The following RPRD2 variants were observed in gnomAD, a reference collection of about 807,000 sequenced individuals.
The protein encoded by RPRD2 is regulation of nuclear pre-mRNA domain containing 2, also known as regulation of nuclear pre-mRNA domain-containing protein 2.
A neutral mutation model predicts 104.4 loss-of-function variants in RPRD2; 12 were observed. The observed-to-expected ratio is 0.11, with a 90% confidence interval of 0.07 to 0.19. The LOEUF (loss-of-function observed/expected upper bound fraction) is 0.19. Among genes scored for constraint, RPRD2 ranks in the 10% least tolerant of loss-of-function variants. RPRD2 has a pLI of 1.00. For missense variants in RPRD2, 1,543 were observed against 1,790.1 expected, an observed-to-expected ratio of 0.86 and a Z score of 2.49; for synonymous variants, 714 against 684.9, an observed-to-expected ratio of 1.04 and a Z score of -0.66.
chr1:150,450,059 A>T (rs587666614), intron 7 of RPRD2, among the ~76,000 whole-genome samples: 1 of 152,166 alleles, frequency 6.6e-6, no homozygotes, highest in South Asian at 2.1e-4. Flanking sequence ...AACCAAACCC[A>T]TCTGTTCTTA....
At chr1:150,402,358 A>G (rs1241849730) in intron 1 of RPRD2, among the ~76,000 whole-genome samples, 1 of 152,230 alleles carries the variant, frequency 6.6e-6, no homozygotes, top group Non-Finnish European at 1.5e-5. Context: ...AAAAATATTC[A>G]TGTCAGCTTT....
chr1:150,411,337 C>G (rs782465916), intron 1 of RPRD2, among the ~76,000 whole-genome samples: 3 of 149,116 alleles, frequency 2.0e-5, no homozygotes, highest in Admixed American at 6.7e-5. Flanking sequence ...GATGCGCACC[C>G]GTAGTCCCAG....
intron 1 of RPRD2, among the ~76,000 whole-genome samples, chr1:150,367,468 T>C (rs1168125421): frequency 2.0e-5 from 3 of 151,996 alleles, no homozygotes; most frequent in Non-Finnish European, 4.4e-5. Flanking sequence ...GCAGGTATCT[T>C]TGGCATTCCC....
In RPRD2 at chr1:150,464,655, G is replaced by A; in HGVS notation, c.1540G>A (p.Val514Met). 1 of 1,612,944 alleles carries A rather than the reference G, an allele frequency of 6.2e-7. No individual in the cohort carries two copies. The highest frequency in any genetic ancestry group is 8.5e-7 in the Non-Finnish European group (1 of 1,179,502). The change falls in exon 10 of 11, where the codon GTG (valine) becomes ATG (methionine). Residue 514 changes from valine (V) to methionine (M), a missense_variant. Physicochemically the swap from Val to Met is conservative, Grantham distance 21. Coordinates refer to ENST00000369068, the MANE Select transcript of RPRD2 (RefSeq NM_015203.5). ...CCCTCTGGCAAATATCCTCTCCAAGGTGGAGATCACCCCAGAGAGCATTCT... is the reference window on the plus strand; with the variant it reads ...CCCTCTGGCAAATATCCTCTCCAAGATGGAGATCACCCCAGAGAGCATTCT... ...HNPLANILSK[V>M]EITPESILSA... is the part of the protein sequence containing the mutation.
At chr1:150,405,317 T>A (rs1364631329) in intron 1 of RPRD2, among the ~76,000 whole-genome samples, 1 of 152,228 alleles carries the variant, frequency 6.6e-6, no homozygotes, top group Admixed American at 6.5e-5. Context: ...ATTGAAGTTA[T>A]TTTACTCAGG....
intron 1 of RPRD2, among the ~76,000 whole-genome samples, chr1:150,404,120 C>CAGCT (rs1430027480): frequency 3.5e-4 from 54 of 152,308 alleles, no homozygotes; most frequent in Admixed American, 3.3e-3. Flanking sequence ...ACCTAAGACC[C>CAGCT]AGCTGATTTA....
At chr1:150,420,706 A>G (rs1664702726) in intron 2 of RPRD2, among the ~76,000 whole-genome samples, 1 of 152,124 alleles carries the variant, frequency 6.6e-6, no homozygotes, top group Non-Finnish European at 1.5e-5. Flanking sequence ...CACACCTGTA[A>G]TCCCAGCTAC....
chr1:150,381,033 C>T (rs1369562448), intron 1 of RPRD2, among the ~76,000 whole-genome samples: 1 of 152,162 alleles, frequency 6.6e-6, no homozygotes, highest in Non-Finnish European at 1.5e-5. Context: ...CATGGCCCCC[C>T]TCACCCCCAA....
intron 1 of RPRD2, among the ~76,000 whole-genome samples, chr1:150,368,837 A>T (rs1553877672): frequency 6.6e-6 from 1 of 151,866 alleles, no homozygotes; most frequent in Non-Finnish European, 1.5e-5. Context: ...TGAACTCCTG[A>T]TCTCAGGCGA....
At chr1:150,433,680 G>A (rs1047497540) in intron 2 of RPRD2, among the ~76,000 whole-genome samples, 66 of 146,910 alleles carry the variant, frequency 4.5e-4, no homozygotes, top group Admixed American at 3.2e-3. Flanking sequence ...TGCAGACCTC[G>A]TGATCCGCCC....
chr1:150,428,189 C>T (rs587734412), intron 2 of RPRD2, among the ~76,000 whole-genome samples: 1 of 151,996 alleles, frequency 6.6e-6, no homozygotes, highest in African/African-American at 2.4e-5. Flanking sequence ...CCTCGCCGGG[C>T]GTGGTGGCTC....
intron 1 of RPRD2, among the ~76,000 whole-genome samples, chr1:150,413,976 C>G (rs1209809316): frequency 6.6e-6 from 1 of 151,874 alleles, no homozygotes; most frequent in Admixed American, 6.6e-5. Context: ...GACTGTAGTC[C>G]CAGCTATTTG....
Position 150,417,497 on chromosome 1 carries a change from AAT to A in RPRD2, c.206-97_206-96del, listed in dbSNP as rs1267317251. 6 of 995,308 alleles carry A rather than the reference AAT, an allele frequency of 6.0e-6. No homozygotes were observed. In the African/African-American group the frequency reaches 6.6e-5, roughly 11 times the overall value. 61.7% of individuals were successfully genotyped at this position (995,308 alleles called of 1,614,324 possible). ...TTTTATATCCATGTAAGAAAAAAAA[AAT>A]AACCAGTTACAGTTTGAGAACACTG... is the stretch of plus-strand genomic sequence containing the variant. On this transcript the variant is annotated intron_variant, in intron 1 of 10. Transcript: ENST00000369068.
chr1:150,422,769 A>G (rs1664857319), intron 2 of RPRD2, among the ~76,000 whole-genome samples: 1 of 152,216 alleles, frequency 6.6e-6, no homozygotes, highest in Non-Finnish European at 1.5e-5. Flanking sequence ...ACCATGGGCA[A>G]CTTATTAGGG....
At position 150,472,150 on chromosome 1, in the gene RPRD2, T is replaced by C. The variant is rs753013179; in HGVS notation, c.3202T>C (p.Ser1068Pro). 2 of 1,613,806 alleles carry C rather than the reference T, an allele frequency of 1.2e-6. No homozygotes were observed. The highest frequency in any genetic ancestry group is 8.5e-7 in the Non-Finnish European group (1 of 1,179,866). The stretch of plus-strand genomic sequence containing the variant: ...GCACTACCGCATAGAAACCCGCGTC[T>C]CCTCCTCCTGCTTAGACTTGCCTGA... ...EEHYRIETRV[S>P]SSCLDLPDST... The change falls in exon 11 of 11, where the codon TCC (serine) becomes CCC (proline). Residue 1068 changes from serine to proline, a missense_variant. Around this residue, in one of 4 missense-constraint regions of RPRD2, gnomAD observed 880 missense variants for 885.6 expected, o/e 0.99. Coordinates refer to ENST00000369068, the MANE Select transcript of RPRD2 (RefSeq NM_015203.5).
At chr1:150,445,322 C>T (rs1431670535) in intron 6 of RPRD2, among the ~76,000 whole-genome samples, 1 of 152,112 alleles carries the variant, frequency 6.6e-6, no homozygotes. Context: ...CCAAGTTACA[C>T]AACTGATAAG....
At chr1:150,449,110 A>G (rs1553896089) in intron 7 of RPRD2, among the ~76,000 whole-genome samples, 1 of 152,216 alleles carries the variant, frequency 6.6e-6, no homozygotes, top group African/African-American at 2.4e-5. Context: ...CATTAAAAGA[A>G]GAAAGAAAAG....
intron 1 of RPRD2, among the ~76,000 whole-genome samples, chr1:150,401,155 C>T (rs183827465): frequency 2.6e-5 from 4 of 151,436 alleles, no homozygotes; most frequent in South Asian, 2.1e-4. Context: ...CCAACCTGGG[C>T]GACAGAGCGA....
At chr1:150,381,947 A>G (rs1553880887) in intron 1 of RPRD2, among the ~76,000 whole-genome samples, 3 of 152,190 alleles carry the variant, frequency 2.0e-5, no homozygotes, top group Non-Finnish European at 4.4e-5. Flanking sequence ...AAGCTTTTAA[A>G]TAGGGATAAT....
Sources: allele counts gnomAD v4.1 joint callset (sites outside exome capture counted in the v4.1 genomes callset), GRCh38; gene constraint gnomAD v4.1.1; regional missense constraint gnomAD v4.1.1; transcripts MANE v1.5; gene names NCBI Gene and HGNC (gene_info 2026-07-23, HGNC 2026-07-21).